The following ADAMTS2 variants were observed in gnomAD, a reference collection of about 807,000 sequenced individuals.
The protein encoded by ADAMTS2 is A disintegrin and metalloproteinase with thrombospondin motifs 2.
ADAMTS2 carries 50 observed loss-of-function variants against 123.0 expected under a neutral mutation model. The ratio of observed to expected loss-of-function variants is 0.41; its 90% CI spans 0.32 to 0.51. The LOEUF is 0.51. ADAMTS2 is among the 20% of genes least tolerant of loss of function. The pLI is 0.35. For missense variants in ADAMTS2, 1,494 were observed against 1,705.2 expected, an observed-to-expected ratio of 0.88 and a Z score of 2.18; for synonymous variants, 678 against 695.4, an observed-to-expected ratio of 0.98 and a Z score of 0.39.
intron 3 of ADAMTS2, among the ~76,000 whole-genome samples, chr5:179,254,807 A>G (rs1766008096): frequency 6.6e-6 from 1 of 152,252 alleles, no homozygotes; most frequent in African/African-American, 2.4e-5. Flanking sequence ...CAAGCAGCCT[A>G]TTAGCAGCAT....
At chr5:179,142,940 T>A (rs58887996) in intron 10 of ADAMTS2, among the ~76,000 whole-genome samples, 31,227 of 152,130 alleles carry the variant, frequency 0.21, 3,710 homozygotes, top group East Asian at 0.33. Context: ...GTGTGACCCA[T>A]ACGCAGGAAA....
intron 3 of ADAMTS2, among the ~76,000 whole-genome samples, chr5:179,244,186 G>T (rs1046925666): frequency 7.1e-6 from 1 of 141,570 alleles, no homozygotes; most frequent in Non-Finnish European, 1.6e-5. Context: ...AACTTCAAAC[G>T]GGATAAATGC....
At chr5:179,320,589 A>G (rs138469239) in intron 2 of ADAMTS2, among the ~76,000 whole-genome samples, 5 of 150,992 alleles carry the variant, frequency 3.3e-5, no homozygotes, top group African/African-American at 1.2e-4. Flanking sequence ...AAGTGCTGGG[A>G]TTACAGGCAT....
Position 179,262,358 on chromosome 5 carries a change from T to C in ADAMTS2, c.688+10553A>G, listed in dbSNP as rs1766252701. Among the ~76,000 whole-genome samples the C allele has an allele frequency of 6.6e-6, 1 of 151,886 alleles. No individual in the cohort carries two copies. Among genetic ancestry groups the C allele is most frequent in the African/African-American group, 2.4e-5 (1 of 41,338 alleles). ...CACCTCAAACTCATCCTGAACCCACTGCCTCCACCGCCATCTGTCACCGGG... is the reference window on the plus strand; with the variant it reads ...CACCTCAAACTCATCCTGAACCCACCGCCTCCACCGCCATCTGTCACCGGG... On this transcript the variant is annotated intron_variant, in intron 3 of 21. Transcript: ENST00000251582. The surrounding 1 kb of genome is among the most constrained non-coding windows in gnomAD (Gnocchi z 5.9).
At chr5:179,211,715 G>A (rs1764853540) in intron 3 of ADAMTS2, among the ~76,000 whole-genome samples, 1 of 152,220 alleles carries the variant, frequency 6.6e-6, no homozygotes, top group African/African-American at 2.4e-5. Context: ...GGGAACGGGT[G>A]GGTCACAGTA....
At chr5:179,241,424 C>T (rs977454095) in intron 3 of ADAMTS2, among the ~76,000 whole-genome samples, 2 of 152,196 alleles carry the variant, frequency 1.3e-5, no homozygotes, top group African/African-American at 2.4e-5. Context: ...TCAACCCAGC[C>T]GGGCTTCCAC....
rs901738533 is a variant in ADAMTS2, at chr5:179,202,484, A to G, written c.891+5029T>C. Among the ~76,000 whole-genome samples, 3 of 152,174 alleles carry G rather than the reference A, an allele frequency of 2.0e-5. No homozygotes were observed. Among genetic ancestry groups the G allele is most frequent in the African/African-American group, 7.2e-5 (3 of 41,456 alleles). ...CTTTCATTGCATTTGTCATTATTTG[A>G]AATGATCCTGTTTGTTTTTCACTTC... On this transcript the variant is annotated intron_variant, in intron 4 of 21. Coordinates refer to ENST00000251582, the MANE Select transcript of ADAMTS2 (RefSeq NM_014244.5). The surrounding 1 kb of genome is among the most constrained non-coding windows in gnomAD (Gnocchi z 4.0).
rs1222669234 is a variant in ADAMTS2, at chr5:179,128,994, A to G, written c.2458-876T>C. Among the ~76,000 whole-genome samples, 3 of 152,184 alleles carry G rather than the reference A, an allele frequency of 2.0e-5. No homozygotes were observed. Among genetic ancestry groups the G allele is most frequent in the East Asian group, 1.9e-4 (1 of 5,196 alleles). On this transcript the variant is annotated intron_variant, in intron 16 of 21. Coordinates refer to ENST00000251582, the MANE Select transcript of ADAMTS2 (RefSeq NM_014244.5). This position sits in a 1 kb window ranked among gnomAD's most constrained non-coding sequence, Gnocchi z 4.9. ...GGGATGAGAGCAGAAACAAGCAGAC[A>G]GCGTGCTGAGTTGCTCCCACCTCCG...
At chr5:179,328,349 G>A (rs930271234) in intron 2 of ADAMTS2, among the ~76,000 whole-genome samples, 1 of 152,226 alleles carries the variant, frequency 6.6e-6, no homozygotes, top group African/African-American at 2.4e-5. Flanking sequence ...TATTTCAGAA[G>A]GACTTTTTGT....
intron 4 of ADAMTS2, among the ~76,000 whole-genome samples, chr5:179,204,741 G>A (rs544046496): frequency 1.4e-4 from 22 of 152,336 alleles, no homozygotes; most frequent in African/African-American, 3.8e-4. Context: ...CCTCGCCCAC[G>A]CTGCGCTCTT....
chr5:179,189,426 C>G lies in ADAMTS2; in HGVS notation c.892-8271G>C, dbSNP rs1463815492. ...GCAGTGGCATGATCTCAGCTCACTG[C>G]CAGCTCCACCTCCCAGGTTCATGCC... On this transcript the variant is annotated intron_variant, in intron 4 of 21. Coordinates refer to ENST00000251582, the MANE Select transcript of ADAMTS2 (RefSeq NM_014244.5). The surrounding 1 kb of genome is among the most constrained non-coding windows in gnomAD (Gnocchi z 4.2). Among the ~76,000 whole-genome samples, 1 of 150,954 alleles carries G rather than the reference C, an allele frequency of 6.6e-6. No homozygotes were observed. Among genetic ancestry groups the G allele is most frequent in the Admixed American group, 6.6e-5 (1 of 15,166 alleles).
At chr5:179,302,411 G>A (rs1444204291) in intron 2 of ADAMTS2, among the ~76,000 whole-genome samples, 9 of 149,874 alleles carry the variant, frequency 6.0e-5, no homozygotes. Context: ...AAAAAAAGCG[G>A]GGGAGTGATA....
intron 3 of ADAMTS2, 70 bp from the exon 4 acceptor site, chr5:179,207,785 C>G: frequency 7.2e-7 from 1 of 1,396,904 alleles, no homozygotes; most frequent in South Asian, 1.2e-5. Flanking sequence ...CAGGCGCCAG[C>G]TTGGCCATCC....
intron 12 of ADAMTS2, 101 bp downstream of exon 12, chr5:179,137,668 G>C: frequency 6.8e-7 from 1 of 1,473,242 alleles, no homozygotes; most frequent in Non-Finnish European, 9.1e-7. Flanking sequence ...CCAGGGTCGC[G>C]GCAGCCTTGC....
intron 2 of ADAMTS2, among the ~76,000 whole-genome samples, chr5:179,329,987 G>A (rs985407566): frequency 9.9e-5 from 15 of 151,800 alleles, no homozygotes; most frequent in East Asian, 3.9e-4. Context: ...TTAGCCGGGC[G>A]CGGTGGCGGG....
rs137959883 is a variant in ADAMTS2 at position 179,325,674 on chromosome 5, T to C, written c.534+18093A>G. 7.5e-3 allele frequency among the ~76,000 whole-genome samples: 1,139 copies of C among 152,352 alleles called. 21 individuals are homozygous for C. Among genetic ancestry groups the C allele is most frequent in the African/African-American group, 0.025 (1,058 of 41,582 alleles). On this transcript the variant is annotated intron_variant, in intron 2 of 21. Coordinates refer to ENST00000251582, the MANE Select transcript of ADAMTS2 (RefSeq NM_014244.5). ...GAAACCCTCGGGGAACCTGGGCCTC[T>C]CTCTGCCGGGCGGCTGGTGCACTGC...
In ADAMTS2 at chr5:179,329,098, A is replaced by G. The variant is rs142536092; in HGVS notation, c.534+14669T>C. 9.2e-5 allele frequency among the ~76,000 whole-genome samples: 14 copies of G among 152,122 alleles called. No homozygotes were observed. The East Asian group carries it at 2.7e-3, about 29-fold the overall frequency. Reference sequence around the variant, plus strand: ...ATCCCAGCACTTTGGGAGGCCAAGGAGGGCGGATCACGAGGTCAGGAGATG... The same window carrying G: ...ATCCCAGCACTTTGGGAGGCCAAGGGGGGCGGATCACGAGGTCAGGAGATG... On this transcript the variant is annotated intron_variant, in intron 2 of 21. Coordinates refer to ENST00000251582, the MANE Select transcript of ADAMTS2 (RefSeq NM_014244.5).
intron 10 of ADAMTS2, among the ~76,000 whole-genome samples, chr5:179,148,529 C>T (rs1763293962): frequency 1.3e-5 from 2 of 152,164 alleles, no homozygotes; most frequent in Admixed American, 1.3e-4. Flanking sequence ...TGTGCAGTGC[C>T]TCACTCTCCC....
intron 18 of ADAMTS2, among the ~76,000 whole-genome samples, chr5:179,125,719 A>G (rs1330847673): frequency 6.6e-6 from 1 of 152,230 alleles, no homozygotes; most frequent in Non-Finnish European, 1.5e-5. Context: ...ACCCCGTGGT[A>G]CAGGGCCAGG....
Sources: gnomAD v4.1 joint callset for allele counts (sites outside exome capture counted in the v4.1 genomes callset) on GRCh38, gnomAD v4.1.1 for gene constraint, Gnocchi (gnomAD v3.1) non-coding constraint, MANE v1.5 for transcripts, NCBI Gene and HGNC (gene_info 2026-07-23, HGNC 2026-07-21) for gene names.